Variants in RBFOX1 observed in about 807,000 individuals in gnomAD.
The protein encoded by RBFOX1 is RNA binding protein fox-1 homolog 1.
In RBFOX1, 8 loss-of-function variants were observed where a neutral mutation model predicts 57.7. The ratio of observed to expected loss-of-function variants is 0.14; its 90% confidence interval spans 0.08 to 0.25. RBFOX1 has a LOEUF of 0.25. Ranked by LOEUF, RBFOX1 falls within the 10% of genes least tolerant of loss-of-function variation. The pLI, the probability that RBFOX1 is intolerant of heterozygous loss-of-function variation, is 1.00. For synonymous variants in RBFOX1, 326 were observed against 222.4 expected (o/e 1.47, Z -4.15); for missense variants, 611 against 548.5 (o/e 1.11, Z -1.14).
intron 4 of RBFOX1, among the ~76,000 whole-genome samples, chr16:7,142,130 C>A (rs1325579813): frequency 2.0e-5 from 3 of 152,024 alleles, no homozygotes; most frequent in Non-Finnish European, 4.4e-5. Flanking sequence ...CTAAAGGGAG[C>A]CTCACACCTC....
At chr16:7,585,540 G>T (rs1490768516) in intron 6 of RBFOX1, among the ~76,000 whole-genome samples, 1 of 152,144 alleles carries the variant, frequency 6.6e-6, no homozygotes, top group East Asian at 1.9e-4. Context: ...TTCACAACTT[G>T]AAATATGTGC....
intron 1 of RBFOX1, among the ~76,000 whole-genome samples, chr16:5,377,618 G>C (rs978869770): frequency 2.7e-5 from 4 of 150,616 alleles, no homozygotes; most frequent in East Asian, 1.9e-4. Flanking sequence ...GAGAGAGACA[G>C]AGAGAGAGAG....
chr16:6,966,516 C>CG (rs2084202030), intron 3 of RBFOX1, among the ~76,000 whole-genome samples: 1 of 151,762 alleles, frequency 6.6e-6, no homozygotes, highest in African/African-American at 2.4e-5. Flanking sequence ...GAGGGGCGGA[C>CG]GGGGGAAGAC....
chr16:7,136,404 ATTTTTTT>A (rs35623726), intron 4 of RBFOX1, among the ~76,000 whole-genome samples: 1 of 110,942 alleles, frequency 9.0e-6, no homozygotes, highest in Non-Finnish European at 1.8e-5. Context: ...TCATCTTGGG[ATTTTTTT>A]TTTTTTTTTT....
intron 1 of RBFOX1, among the ~76,000 whole-genome samples, chr16:6,220,250 C>G (rs1008827803): frequency 2.0e-5 from 3 of 152,142 alleles, no homozygotes; most frequent in East Asian, 1.9e-4. Context: ...TTTCTCCATA[C>G]AAACAGACAC....
chr16:6,744,205 C>G (rs988815623), intron 3 of RBFOX1, among the ~76,000 whole-genome samples: 1 of 152,012 alleles, frequency 6.6e-6, no homozygotes, highest in Non-Finnish European at 1.5e-5. Flanking sequence ...TGCACCTCAA[C>G]TTTAAAATAC....
chr16:5,730,118 G>A (rs1207673662), intron 3 of RBFOX1, among the ~76,000 whole-genome samples: 1 of 152,230 alleles, frequency 6.6e-6, no homozygotes, highest in Non-Finnish European at 1.5e-5. Flanking sequence ...TGTGTCTGGG[G>A]AATTTAGGTT....
intron 2 of RBFOX1, among the ~76,000 whole-genome samples, chr16:6,486,716 G>C (rs1365308817): frequency 1.3e-5 from 2 of 151,476 alleles, no homozygotes; most frequent in Non-Finnish European, 2.9e-5. Context: ...ACTTTGGAGT[G>C]TGTTAAAATA....
intron 3 of RBFOX1, among the ~76,000 whole-genome samples, chr16:6,797,731 C>T (rs895192706): frequency 6.6e-6 from 1 of 152,020 alleles, no homozygotes; most frequent in Non-Finnish European, 1.5e-5. Flanking sequence ...GTTTCCAAAC[C>T]ACGTTGGCTC....
chr16:7,199,244 C>A (rs148183939), intron 4 of RBFOX1, among the ~76,000 whole-genome samples: 1 of 152,136 alleles, frequency 6.6e-6, no homozygotes, highest in South Asian at 2.1e-4. Flanking sequence ...TTAAACCAGA[C>A]AAGATTTCCT....
At chr16:5,438,792 G>T (rs1332314827) in intron 1 of RBFOX1, among the ~76,000 whole-genome samples, 1 of 152,138 alleles carries the variant, frequency 6.6e-6, no homozygotes, top group Non-Finnish European at 1.5e-5. Context: ...CATCCGTCCT[G>T]TGGGGGTGTC....
At chr16:7,466,777 G>A (rs1425785356) in intron 4 of RBFOX1, among the ~76,000 whole-genome samples, 1 of 152,160 alleles carries the variant, frequency 6.6e-6, no homozygotes, top group Non-Finnish European at 1.5e-5. Context: ...GGAGTTATTT[G>A]ATTAAACAAG....
chr16:6,111,336 C>T (rs560785204), intron 1 of RBFOX1, among the ~76,000 whole-genome samples: 1 of 152,278 alleles, frequency 6.6e-6, no homozygotes, highest in East Asian at 1.9e-4. Flanking sequence ...CTTGTTAGAA[C>T]TAGTTTTATG....
chr16:6,399,046 T>C (rs191822190), intron 2 of RBFOX1, among the ~76,000 whole-genome samples: 29 of 152,352 alleles, frequency 1.9e-4, no homozygotes, highest in African/African-American at 6.7e-4. Flanking sequence ...GCTTGTCTTC[T>C]GTGCACCCAC....
chr16:7,294,967 G>A (rs906623761), intron 4 of RBFOX1, among the ~76,000 whole-genome samples: 2 of 152,116 alleles, frequency 1.3e-5, no homozygotes, highest in Admixed American at 6.5e-5. Context: ...TATGTAAATT[G>A]GAACTATAAA....
chr16:5,750,125 G>T (rs1026324524), intron 3 of RBFOX1, among the ~76,000 whole-genome samples: 15 of 152,172 alleles, frequency 9.9e-5, no homozygotes, highest in African/African-American at 3.1e-4. Context: ...GTTTGCTGGA[G>T]GTCCATTCCA....
At chr16:7,062,351 G>T (rs1456091958) in intron 4 of RBFOX1, among the ~76,000 whole-genome samples, 1 of 147,766 alleles carries the variant, frequency 6.8e-6, no homozygotes, top group African/African-American at 2.5e-5. Flanking sequence ...AAAGAAAAAA[G>T]GAAAAATGGT....
At chr16:5,274,912 A>C (rs2063105438) in intron 1 of RBFOX1, among the ~76,000 whole-genome samples, 1 of 152,214 alleles carries the variant, frequency 6.6e-6, no homozygotes, top group Non-Finnish European at 1.5e-5. Context: ...TCTATTCTGC[A>C]GCAATTGATG....
chr16:6,684,933 T>C (rs1437573882), intron 3 of RBFOX1, among the ~76,000 whole-genome samples: 1 of 152,206 alleles, frequency 6.6e-6, no homozygotes, highest in Non-Finnish European at 1.5e-5. Context: ...ATTTTCTGGC[T>C]TTACTTAGGG....
Sources: allele counts gnomAD v4.1 joint callset (sites outside exome capture counted in the v4.1 genomes callset), GRCh38; gene constraint gnomAD v4.1.1; transcripts MANE v1.5; gene names NCBI Gene and HGNC (gene_info 2026-07-23, HGNC 2026-07-21).